NALF1: variants seen among roughly 807,000 people sequenced by gnomAD.
The protein encoded by NALF1 is family with sequence similarity 155 member A.
A neutral mutation model predicts 48.4 loss-of-function variants in NALF1; 3 were observed. The observed-to-expected ratio is 0.06, with a 90% CI of 0.03 to 0.16. NALF1 has a LOEUF of 0.16. Among genes scored for constraint, NALF1 ranks in the 10% least tolerant of loss-of-function variants. The pLI is 1.00. For synonymous variants in NALF1, 262 were observed against 245.7 expected (o/e 1.07, Z -0.62); for missense variants, 526 against 571.5 (o/e 0.92, Z 0.81).
At chr13:107,360,316 T>C (rs909162200) in intron 1 of NALF1, among the ~76,000 whole-genome samples, 2 of 152,064 alleles carry the variant, frequency 1.3e-5, no homozygotes, top group African/African-American at 4.8e-5. Context: ...AACGCTCAGA[T>C]CCCCAAAGAA....
At chr13:107,523,636 A>C (rs1876326120) in intron 1 of NALF1, among the ~76,000 whole-genome samples, 1 of 150,946 alleles carries the variant, frequency 6.6e-6, no homozygotes, top group Non-Finnish European at 1.5e-5. Flanking sequence ...GGAGCAGGAG[A>C]GATTGCCTTC....
intron 1 of NALF1, among the ~76,000 whole-genome samples, chr13:107,777,495 T>C (rs991104217): frequency 6.6e-6 from 1 of 152,208 alleles, no homozygotes; most frequent in African/African-American, 2.4e-5. Flanking sequence ...CTGCTCTCTT[T>C]ATGATAGTGA....
intron 1 of NALF1, among the ~76,000 whole-genome samples, chr13:107,745,693 A>C (rs1244572304): frequency 6.6e-6 from 1 of 152,118 alleles, no homozygotes; most frequent in Non-Finnish European, 1.5e-5. Flanking sequence ...CCAGGGTGAT[A>C]TGGTTTGGCT....
At chr13:107,761,162 T>C (rs147090535) in intron 1 of NALF1, among the ~76,000 whole-genome samples, 1,748 of 152,086 alleles carry the variant, frequency 0.011, 41 homozygotes, top group African/African-American at 0.04. Flanking sequence ...TTGAGACCAT[T>C]CTGGCTAACA....
chr13:107,186,761 C>T (rs1879183885), intron 2 of NALF1, among the ~76,000 whole-genome samples: 1 of 152,194 alleles, frequency 6.6e-6, no homozygotes, highest in Non-Finnish European at 1.5e-5. Context: ...AAAATTGTTA[C>T]AGACATAGTA....
intron 1 of NALF1, among the ~76,000 whole-genome samples, chr13:107,652,248 C>T (rs1194849627): frequency 6.6e-6 from 1 of 152,096 alleles, no homozygotes; most frequent in Non-Finnish European, 1.5e-5. Context: ...TTCTGTGATT[C>T]TGAGTTGTGT....
rs147008128 is a variant in NALF1 at position 107,288,655 on chromosome 13, C to A, written c.916-77900G>T. 1.4e-3 allele frequency among the ~76,000 whole-genome samples: 211 copies of A among 151,838 alleles called. 2 individuals carry two copies. Among genetic ancestry groups the A allele is most frequent in the East Asian group, 0.011 (56 of 5,160 alleles). On this transcript the variant is annotated intron_variant, in intron 1 of 2. Coordinates refer to ENST00000375915, the MANE Select transcript of NALF1 (RefSeq NM_001080396.3). ...CAAGCGATTGTCCTGCCTCAGCCTCCGGAGTAGCTGGAATTACAGGTGCCT... is the reference window on the plus strand; with the variant it reads ...CAAGCGATTGTCCTGCCTCAGCCTCAGGAGTAGCTGGAATTACAGGTGCCT...
chr13:107,569,305 T>C (rs1490111562), intron 1 of NALF1, among the ~76,000 whole-genome samples: 1 of 151,442 alleles, frequency 6.6e-6, no homozygotes, highest in Non-Finnish European at 1.5e-5. Flanking sequence ...CCGTCTCTAC[T>C]AAAAAAAATA....
chr13:107,265,765 T>C (rs2138858174), intron 1 of NALF1, among the ~76,000 whole-genome samples: 1 of 152,290 alleles, frequency 6.6e-6, no homozygotes, highest in African/African-American at 2.4e-5. Flanking sequence ...AATACTTTGG[T>C]CTATGAATAT....
intron 1 of NALF1, among the ~76,000 whole-genome samples, chr13:107,325,909 T>C (rs12866742): frequency 0.023 from 2,595 of 111,768 alleles, 47 homozygotes; most frequent in Non-Finnish European, 0.039. Context: ...CACACACACA[T>C]ATATACATAT....
intron 1 of NALF1, among the ~76,000 whole-genome samples, chr13:107,222,419 G>T (rs1318765699): frequency 6.6e-6 from 1 of 151,972 alleles, no homozygotes. Flanking sequence ...ATATACACAT[G>T]AACTGTTATA....
chr13:107,629,856 C>CT (rs1315768668), intron 1 of NALF1, among the ~76,000 whole-genome samples: 1 of 151,972 alleles, frequency 6.6e-6, no homozygotes, highest in East Asian at 1.9e-4. Context: ...ATCTTATTTT[C>CT]TTTCTGTTTT....
chr13:107,350,562 G>A (rs372922425), intron 1 of NALF1, among the ~76,000 whole-genome samples: 1 of 152,154 alleles, frequency 6.6e-6, no homozygotes, highest in Non-Finnish European at 1.5e-5. Flanking sequence ...ATCCTACTAC[G>A]TGATAGAGAA....
chr13:107,679,401 A>G (rs1199820714), intron 1 of NALF1, among the ~76,000 whole-genome samples: 3 of 152,206 alleles, frequency 2.0e-5, no homozygotes, highest in Non-Finnish European at 2.9e-5. Context: ...TGCTCAATAA[A>G]TATTTGTCAA....
intron 1 of NALF1, among the ~76,000 whole-genome samples, chr13:107,845,592 T>G (rs144835847): frequency 1.6e-3 from 239 of 152,296 alleles, no homozygotes; most frequent in Non-Finnish European, 2.2e-3. Flanking sequence ...TTTCTCCACT[T>G]ATTTGGATAA....
At chr13:107,607,015 T>G (rs1300763024) in intron 1 of NALF1, among the ~76,000 whole-genome samples, 2 of 152,226 alleles carry the variant, frequency 1.3e-5, no homozygotes, top group East Asian at 3.9e-4. Flanking sequence ...TGAAGGCAGA[T>G]TCTTATTATA....
chr13:107,816,214 C>T (rs1204576704), intron 1 of NALF1, among the ~76,000 whole-genome samples: 3 of 152,212 alleles, frequency 2.0e-5, no homozygotes, highest in African/African-American at 7.2e-5. Context: ...GTGCAGGAGA[C>T]ATTCTCCATT....
At chr13:107,638,201 A>ATATATATATATATGTATGTATG (rs372122331) in intron 1 of NALF1, among the ~76,000 whole-genome samples, 9 of 110,812 alleles carry the variant, frequency 8.1e-5, no homozygotes, top group Non-Finnish European at 1.4e-4. Context: ...ATATATATAT[A>ATATATATATATATGTATGTATG]TATATAATTT....
At chr13:107,697,550 T>A (rs1453600210) in intron 1 of NALF1, among the ~76,000 whole-genome samples, 1 of 152,136 alleles carries the variant, frequency 6.6e-6, no homozygotes, top group Non-Finnish European at 1.5e-5. Flanking sequence ...TTTTTAGGCT[T>A]ACATAAAATT....
Sources: gnomAD v4.1 joint callset for allele counts (sites outside exome capture counted in the v4.1 genomes callset) on GRCh38, gnomAD v4.1.1 for gene constraint, MANE v1.5 for transcripts, NCBI Gene and HGNC (gene_info 2026-07-23, HGNC 2026-07-21) for gene names.